Variants in GMDS observed in about 807,000 individuals in gnomAD.
GMDS encodes the protein GDP-mannose 4,6 dehydratase.
In GMDS, 20 loss-of-function variants were observed where a neutral mutation model predicts 49.9. The ratio of observed to expected loss-of-function variants is 0.40; its 90% CI spans 0.28 to 0.58. The LOEUF (loss-of-function observed/expected upper bound fraction) is 0.58, where lower values mean the gene tolerates loss of function less well. Among genes scored for constraint, GMDS ranks in the 20% least tolerant of loss-of-function variants. The pLI, the probability that GMDS is intolerant of heterozygous loss-of-function variation, is 0.42. For synonymous variants in GMDS, 177 were observed against 178.6 expected, an observed-to-expected ratio of 0.99 and a Z score of 0.07; for missense variants, 362 against 481.4, an observed-to-expected ratio of 0.75 and a Z score of 2.32.
At chr6:1,735,818 A>C (rs1299051934) in intron 8 of GMDS, among the ~76,000 whole-genome samples, 2 of 152,234 alleles carry the variant, frequency 1.3e-5, no homozygotes, top group Non-Finnish European at 2.9e-5. Context: ...CAATGTCTTC[A>C]TATTTGCACA....
At chr6:2,161,431 G>C (rs1777396110) in intron 1 of GMDS, among the ~76,000 whole-genome samples, 1 of 152,192 alleles carries the variant, frequency 6.6e-6, no homozygotes, top group African/African-American at 2.4e-5. Flanking sequence ...GGTGCTTTCA[G>C]TGCACCTACT....
At chr6:1,674,947 T>G (rs1028414177) in intron 9 of GMDS, among the ~76,000 whole-genome samples, 7 of 151,966 alleles carry the variant, frequency 4.6e-5, no homozygotes, top group Admixed American at 3.9e-4. Flanking sequence ...TTTCTTTTTT[T>G]CTTTTTTGAG....
At chr6:2,093,161 GA>G (rs1383129313) in intron 4 of GMDS, among the ~76,000 whole-genome samples, 1 of 152,122 alleles carries the variant, frequency 6.6e-6, no homozygotes, top group Non-Finnish European at 1.5e-5. Context: ...CACGGACTGT[GA>G]ATTAAGTCCA....
At chr6:1,922,624 C>T (rs1761773519) in intron 7 of GMDS, among the ~76,000 whole-genome samples, 1 of 152,152 alleles carries the variant, frequency 6.6e-6, no homozygotes, top group African/African-American at 2.4e-5. Flanking sequence ...TCCTGTACCC[C>T]ATCCTCTGCC....
chr6:1,957,932 A>G (rs1763730666), intron 6 of GMDS, among the ~76,000 whole-genome samples: 1 of 151,898 alleles, frequency 6.6e-6, no homozygotes, highest in Non-Finnish European at 1.5e-5. Flanking sequence ...CTTCCCGAGT[A>G]GCTAGGACTT....
chr6:2,143,536 T>C (rs1024565460), intron 1 of GMDS, among the ~76,000 whole-genome samples: 2 of 152,300 alleles, frequency 1.3e-5, no homozygotes, highest in East Asian at 3.9e-4. Flanking sequence ...TATTCTAAAG[T>C]AATTTTTTTT....
In GMDS at chr6:1,646,407, C is replaced by T. The variant is rs560866227; in HGVS notation, c.988-21867G>A. Among the ~76,000 whole-genome samples the T allele has an allele frequency of 2.0e-5, 3 of 152,332 alleles. No individual in the cohort carries two copies. In the East Asian group the frequency reaches 5.8e-4, roughly 29 times the overall value. On this transcript the variant is annotated intron_variant, in intron 9 of 10. Transcript: ENST00000380815. ...GCCAAATAAAAGCCAAACTCTCACC[C>T]TGACCTCCAATATCTGACCACTGTG...
intron 7 of GMDS, among the ~76,000 whole-genome samples, chr6:1,743,518 G>A (rs1767362679): frequency 7.7e-6 from 1 of 130,078 alleles, no homozygotes; most frequent in South Asian, 3.0e-4. Context: ...ACTCCAGCCT[G>A]GACGACAGAA....
intron 4 of GMDS, among the ~76,000 whole-genome samples, chr6:2,109,176 A>C (rs921907505): frequency 6.6e-6 from 1 of 152,182 alleles, no homozygotes; most frequent in Non-Finnish European, 1.5e-5. Context: ...GTGAGCAGGC[A>C]GCACACTGGG....
At chr6:1,966,355 C>CA (rs1322579438) in intron 4 of GMDS, among the ~76,000 whole-genome samples, 1 of 124,592 alleles carries the variant, frequency 8.0e-6, no homozygotes, top group Admixed American at 8.6e-5. Context: ...ATAAGGAGAA[C>CA]AAAAAATCAG....
At chr6:1,862,007 T>C (rs1016481125) in intron 7 of GMDS, among the ~76,000 whole-genome samples, 2 of 152,124 alleles carry the variant, frequency 1.3e-5, no homozygotes, top group Non-Finnish European at 2.9e-5. Flanking sequence ...TTTTAAATAA[T>C]AAAAAAGCTT....
chr6:1,984,445 T>C (rs1426882336), intron 4 of GMDS, among the ~76,000 whole-genome samples: 6 of 141,878 alleles, frequency 4.2e-5, no homozygotes, highest in Non-Finnish European at 9.1e-5. Context: ...AGTAATCTAA[T>C]GAGAGGTATA....
At chr6:1,994,772 C>T (rs1766172545) in intron 4 of GMDS, among the ~76,000 whole-genome samples, 1 of 151,934 alleles carries the variant, frequency 6.6e-6, no homozygotes, top group Admixed American at 6.6e-5. Flanking sequence ...GAAGGGCACA[C>T]AGGGGATACA....
intron 4 of GMDS, among the ~76,000 whole-genome samples, chr6:2,002,220 T>C (rs527702634): frequency 6.6e-6 from 1 of 152,342 alleles, no homozygotes; most frequent in African/African-American, 2.4e-5. Flanking sequence ...TAACAAACAT[T>C]GTTGCGTGCC....
chr6:1,990,195 C>A (rs939150871), intron 4 of GMDS, among the ~76,000 whole-genome samples: 3 of 152,210 alleles, frequency 2.0e-5, no homozygotes, highest in African/African-American at 7.2e-5. Flanking sequence ...ACCCAGGAGA[C>A]TGAGGCAGGA....
chr6:1,941,879 G>A (rs533187034), intron 6 of GMDS, among the ~76,000 whole-genome samples: 1 of 152,226 alleles, frequency 6.6e-6, no homozygotes, highest in South Asian at 2.1e-4. Flanking sequence ...ATGTTCTGAG[G>A]ACTTTTCTTC....
intron 4 of GMDS, among the ~76,000 whole-genome samples, chr6:2,103,602 A>C (rs1562057066): frequency 6.6e-6 from 1 of 152,196 alleles, no homozygotes; most frequent in Non-Finnish European, 1.5e-5. Context: ...GGGATTGTTA[A>C]GGACATGTTA....
Position 2,067,988 on chromosome 6 carries a change from TTGATGAACATTGATGCAA to T in GMDS, c.345+47765_345+47782del, listed in dbSNP as rs1447554107. On this transcript the variant is annotated intron_variant, in intron 4 of 10. Coordinates refer to ENST00000380815, the MANE Select transcript of GMDS (RefSeq NM_001500.4). ...AAAAGAGAATTTTAGACCAATATCC[TTGATGAACATTGATGCAA>T]AAATCCTCAATAAAATACTGGCAAA... 7.9e-5 allele frequency among the ~76,000 whole-genome samples: 12 copies of T among 150,998 alleles called. No individual in the cohort carries two copies. The South Asian group carries it at 2.6e-3, about 32-fold the overall frequency.
intron 9 of GMDS, among the ~76,000 whole-genome samples, chr6:1,670,878 T>C (rs1025174874): frequency 6.6e-6 from 1 of 152,198 alleles, no homozygotes; most frequent in African/African-American, 2.4e-5. Flanking sequence ...ACATGAAAAC[T>C]CTTGCTCTGA....
Sources: gnomAD v4.1 joint callset for allele counts (sites outside exome capture counted in the v4.1 genomes callset) on GRCh38, gnomAD v4.1.1 for gene constraint, MANE v1.5 for transcripts, NCBI Gene and HGNC (gene_info 2026-07-23, HGNC 2026-07-21) for gene names.